Variants in ZNF398 observed in about 807,000 individuals in gnomAD.
ZNF398 encodes zinc finger DNA binding protein ZER6.
ZNF398 carries 18 observed loss-of-function variants against 41.9 expected under a neutral mutation model. The observed-to-expected ratio is 0.43, with a 90% CI of 0.30 to 0.64. The LOEUF is 0.64. ZNF398 is among the 30% of genes least tolerant of loss of function. ZNF398 has a pLI of 0.14. For missense variants in ZNF398, 669 were observed against 822.8 expected (o/e 0.81, Z 2.29); for synonymous variants, 260 against 308.8 (o/e 0.84, Z 1.66).
upstream of ZNF398, among the ~76,000 whole-genome samples, chr7:149,143,238 T>C (rs1379634656): frequency 6.6e-6 from 1 of 152,204 alleles, no homozygotes; most frequent in African/African-American, 2.4e-5. Flanking sequence ...GGTGGTGCAA[T>C]TATTACGTCC....
rs1451079969 is a variant in ZNF398 at position 149,178,994 on chromosome 7, G to T, written c.1122G>T (p.Gln374His). 3.7e-6 allele frequency: 6 copies of T among 1,614,014 alleles called. No individual in the cohort carries two copies. Among genetic ancestry groups the T allele is most frequent in the Non-Finnish European group, 5.1e-6 (6 of 1,180,034 alleles). Residue 374 changes from glutamine to histidine, a missense_variant, in exon 6 of 6, where the codon CAG becomes CAT. Around this residue, in one of 3 missense-constraint regions of ZNF398, gnomAD observed 290 missense variants for 292.9 expected, o/e 0.99. Coordinates refer to ENST00000475153, the MANE Select transcript of ZNF398 (RefSeq NM_170686.3). ...HATEHPLPCAQCPKHFTPQAD... is the reference protein window; with the variant it reads ...HATEHPLPCAHCPKHFTPQAD... The stretch of plus-strand genomic sequence containing the variant: ...CTGAGCACCCCTTACCCTGTGCCCA[G>T]TGCCCTAAGCACTTTACTCCACAGG...
At chr7:149,149,512 A>G (rs1318778593) in intron 1 of ZNF398, among the ~76,000 whole-genome samples, 2 of 151,624 alleles carry the variant, frequency 1.3e-5, no homozygotes, top group Non-Finnish European at 2.9e-5. Flanking sequence ...TACAGGCGTG[A>G]GCCACCGCGC....
chr7:149,167,303 G>T (rs532570433), intron 4 of ZNF398, among the ~76,000 whole-genome samples: 2 of 152,328 alleles, frequency 1.3e-5, no homozygotes, highest in African/African-American at 4.8e-5. Flanking sequence ...GAGTCTGCAT[G>T]GTCCCTCTAA....
At position 149,176,676 on chromosome 7, in the gene ZNF398, G is replaced by A. The variant is rs535616764; in HGVS notation, c.775+95G>A. On this transcript the variant is annotated intron_variant, in intron 5 of 5. Coordinates refer to ENST00000475153, the MANE Select transcript of ZNF398 (RefSeq NM_170686.3). ...AGGTGAAATTTGTAGAGGCAAATATGTGGGAGAAGAATGAGGGAAAGAAAA... is the reference window on the plus strand; with the variant it reads ...AGGTGAAATTTGTAGAGGCAAATATATGGGAGAAGAATGAGGGAAAGAAAA... The A allele has an allele frequency of 2.6e-5, 19 of 725,356 alleles. No homozygotes were observed. The African/African-American group carries it at 2.9e-4, about 11-fold the overall frequency. 44.9% of individuals were successfully genotyped at this position (725,356 alleles called of 1,614,324 possible). A position where few individuals can be genotyped will look rare whatever the true frequency, so the allele number is the denominator to read the frequency against.
rs1308126733 is a variant in ZNF398, at chr7:149,164,967, GC to G, written c.421-1188del. 2.9e-4 allele frequency among the ~76,000 whole-genome samples: 44 copies of G among 151,976 alleles called. No homozygotes were observed. The East Asian group carries it at 6.0e-3, about 21-fold the overall frequency. ...GAATTAGCGGTGTGTGGTGGCGGGT[GC>G]CCGTAATCCTGGCTACTTGGGAGGC... On this transcript the variant is annotated intron_variant, in intron 2 of 5. Coordinates refer to ENST00000475153, the MANE Select transcript of ZNF398 (RefSeq NM_170686.3).
At chr7:149,126,873 C>G (rs1826491093) in intron 1 of ZNF398, among the ~76,000 whole-genome samples, 2 of 152,220 alleles carry the variant, frequency 1.3e-5, no homozygotes, top group African/African-American at 4.8e-5. Flanking sequence ...CCACCACGTC[C>G]GGTCCCCGTG....
At chr7:149,157,731 G>T (rs541320029) in intron 2 of ZNF398, among the ~76,000 whole-genome samples, 11 of 151,940 alleles carry the variant, frequency 7.2e-5, no homozygotes, top group Non-Finnish European at 1.2e-4. Context: ...CCAGCTACTT[G>T]GGAGGCTGAG....
intron 2 of ZNF398, among the ~76,000 whole-genome samples, chr7:149,142,109 T>A (rs1826837670): frequency 6.6e-6 from 1 of 152,090 alleles, no homozygotes; most frequent in Non-Finnish European, 1.5e-5. Context: ...TCACCGTGCC[T>A]GGACTAATGT....
In ZNF398 at chr7:149,178,826, A is replaced by G; in HGVS notation, c.954A>G (p.Glu318=). The G allele has an allele frequency of 1.2e-6, 2 of 1,614,174 alleles. No individual in the cohort carries two copies. Among genetic ancestry groups the G allele is most frequent in the South Asian group, 2.2e-5 (2 of 91,082 alleles). ...GACGTCCAGCCACTGACCTGCCTGAAGCCTCTGAGGGACAAGTGACTTTTA... is the reference window on the plus strand; with the variant it reads ...GACGTCCAGCCACTGACCTGCCTGAGGCCTCTGAGGGACAAGTGACTTTTA... ...PFGRPATDLP[E]ASEGQVTFTQ... Residue 318 remains glutamate (E), a synonymous_variant, in exon 6 of 6, where the codon GAA becomes GAG. Transcript: ENST00000475153.
chr7:149,132,967 C>T (rs1030994539), intron 2 of ZNF398, among the ~76,000 whole-genome samples: 9 of 151,968 alleles, frequency 5.9e-5, no homozygotes, highest in South Asian at 2.1e-4. Context: ...AAAGCTTTAC[C>T]GATGACTTCC....
At chr7:149,130,648 T>A (rs1395540803) in intron 2 of ZNF398, among the ~76,000 whole-genome samples, 1 of 152,154 alleles carries the variant, frequency 6.6e-6, no homozygotes, top group Non-Finnish European at 1.5e-5. Context: ...TTTTAGCATT[T>A]AAAAAAACCG....
chr7:149,167,871 A>G (rs1563164106), intron 4 of ZNF398, among the ~76,000 whole-genome samples: 1 of 151,954 alleles, frequency 6.6e-6, no homozygotes, highest in Admixed American at 6.6e-5. Context: ...TCGGCCTCCC[A>G]AAGTGCTGGG....
At chr7:149,156,594 C>T (rs143507236) in intron 2 of ZNF398, among the ~76,000 whole-genome samples, 115 of 151,172 alleles carry the variant, frequency 7.6e-4, no homozygotes, top group African/African-American at 2.5e-3. Context: ...CGCAGTGGCT[C>T]ACGCCTGTAA....
chr7:149,160,904 T>A (rs985359190), intron 2 of ZNF398, among the ~76,000 whole-genome samples: 1 of 151,676 alleles, frequency 6.6e-6, no homozygotes, highest in Non-Finnish European at 1.5e-5. Context: ...TAGTAAACAG[T>A]AAAGATTTTT....
intron 2 of ZNF398, among the ~76,000 whole-genome samples, chr7:149,138,260 T>C (rs1200365700): frequency 1.4e-5 from 2 of 147,376 alleles, no homozygotes; most frequent in African/African-American, 5.0e-5. Context: ...TATTCAAGTA[T>C]ATTAAATAAC....
intron 2 of ZNF398, among the ~76,000 whole-genome samples, chr7:149,162,721 G>A (rs1180709736): frequency 6.6e-6 from 1 of 152,142 alleles, no homozygotes; most frequent in Non-Finnish European, 1.5e-5. Context: ...ATGAGTAGAG[G>A]AACTTGTTTG....
chr7:149,166,793 C>A, intron 3 of ZNF398, 24 bp from the exon 4 acceptor site: 1 of 1,531,360 alleles, frequency 6.5e-7, no homozygotes, highest in South Asian at 1.1e-5. Flanking sequence ...TTGTAATACT[C>A]TCTCTTCCTT....
rs572698763 is a variant in ZNF398, at chr7:149,151,133, A to G, written c.25-2812A>G. On this transcript the variant is annotated intron_variant, in intron 1 of 5. Transcript: ENST00000475153. ...ACAAGCGGCATGGAGGGCACAAGTC[A>G]GTGTTGAGATCCCCACTAAGCTTAG... 2.2e-3 allele frequency: 1,605 copies of G among 741,608 alleles called. 2 individuals are homozygous for G. Among genetic ancestry groups the G allele is most frequent in the Non-Finnish European group, 2.5e-3 (1,462 of 580,478 alleles). 45.9% of individuals were successfully genotyped at this position (741,608 alleles called of 1,614,324 possible).
intron 4 of ZNF398, among the ~76,000 whole-genome samples, chr7:149,172,635 A>G (rs1291114212): frequency 6.6e-6 from 1 of 152,212 alleles, no homozygotes; most frequent in East Asian, 1.9e-4. Context: ...CAAATCTTCT[A>G]TCTGTGAAAC....
Sources: allele counts gnomAD v4.1 joint callset (sites outside exome capture counted in the v4.1 genomes callset), GRCh38; gene constraint gnomAD v4.1.1; regional missense constraint gnomAD v4.1.1; transcripts MANE v1.5; gene names NCBI Gene and HGNC (gene_info 2026-07-23, HGNC 2026-07-21).